The following VEPH1 variants were observed in gnomAD, a reference collection of about 807,000 sequenced individuals.
The protein encoded by VEPH1 is ventricular zone expressed PH domain containing 1, also known as ventricular zone-expressed PH domain-containing protein homolog 1.
A neutral mutation model predicts 85.2 loss-of-function variants in VEPH1; 80 were observed. That is an observed-to-expected ratio of 0.94 (90% confidence interval 0.78 to 1.13). The LOEUF is 1.13. Among genes scored for constraint, VEPH1 ranks in the 50% most tolerant of loss-of-function variants. The probability of loss-of-function intolerance (pLI) is 0.00; values close to 1 mark genes in which losing one functional copy is unlikely to be tolerated. For synonymous variants in VEPH1, 297 were observed against 348.0 expected (o/e 0.85, Z 1.63); for missense variants, 955 against 980.5 (o/e 0.97, Z 0.35).
At chr3:157,465,512 G>A (rs1031169827) in intron 3 of VEPH1, among the ~76,000 whole-genome samples, 1 of 152,158 alleles carries the variant, frequency 6.6e-6, no homozygotes, top group Non-Finnish European at 1.5e-5. Context: ...AGACAATTAA[G>A]GCCTGGAAAG....
chr3:157,312,998 G>A (rs1720289974), intron 11 of VEPH1, among the ~76,000 whole-genome samples: 2 of 140,578 alleles, frequency 1.4e-5, no homozygotes, highest in African/African-American at 5.5e-5. Flanking sequence ...TCCGCCTCCC[G>A]GGTTCACGCC....
intron 3 of VEPH1, among the ~76,000 whole-genome samples, chr3:157,467,445 A>G (rs1472232017): frequency 6.6e-6 from 1 of 152,194 alleles, no homozygotes; most frequent in Non-Finnish European, 1.5e-5. Flanking sequence ...TTGGATTTCT[A>G]CACGTTCCCC....
chr3:157,451,077 C>A (rs1447953788), intron 4 of VEPH1, among the ~76,000 whole-genome samples: 2 of 152,124 alleles, frequency 1.3e-5, no homozygotes, highest in African/African-American at 4.8e-5. Flanking sequence ...GTATTGATAT[C>A]CTGGCTATAC....
chr3:157,359,160 T>C (rs1253794733), intron 9 of VEPH1, among the ~76,000 whole-genome samples: 4 of 152,240 alleles, frequency 2.6e-5, no homozygotes, highest in Non-Finnish European at 4.4e-5. Flanking sequence ...CAAAGTAACA[T>C]TGATAGGTTC....
At chr3:157,457,984 T>A (rs1004701772) in intron 4 of VEPH1, among the ~76,000 whole-genome samples, 5 of 152,176 alleles carry the variant, frequency 3.3e-5, no homozygotes, top group Non-Finnish European at 7.4e-5. Flanking sequence ...GCTGTGAATC[T>A]GTCTGGTCCC....
rs542044041 is a variant in VEPH1 at position 157,443,247 on chromosome 3, A to G, written c.530-14759T>C. 1.0e-3 allele frequency: 368 copies of G among 362,286 alleles called. 2 individuals are homozygous for G. Among genetic ancestry groups the G allele is most frequent in the Non-Finnish European group, 1.1e-4 (23 of 201,444 alleles). 22.4% of individuals were successfully genotyped at this position (362,286 alleles called of 1,614,324 possible). A position where few individuals can be genotyped will look rare whatever the true frequency, so the allele number is the denominator to read the frequency against. On this transcript the variant is annotated intron_variant, in intron 4 of 13. Transcript: ENST00000362010. ...GTGTCTCTGTCAGATAAACTCTCAA[A>G]TAATTAAAAAGGACTGTATTGTTGA...
chr3:157,336,541 T>A (rs1050640823), intron 9 of VEPH1, among the ~76,000 whole-genome samples: 2 of 152,256 alleles, frequency 1.3e-5, no homozygotes, highest in African/African-American at 4.8e-5. Context: ...TTCATCTCTG[T>A]CTGCTGTCTT....
intron 9 of VEPH1, among the ~76,000 whole-genome samples, chr3:157,333,685 C>T (rs1363954352): frequency 6.6e-6 from 1 of 152,146 alleles, no homozygotes; most frequent in African/African-American, 2.4e-5. Flanking sequence ...AAAAGTTGTA[C>T]AGAGGCAAAT....
chr3:157,372,014 G>A (rs1727548848), intron 7 of VEPH1, among the ~76,000 whole-genome samples: 1 of 152,118 alleles, frequency 6.6e-6, no homozygotes, highest in East Asian at 1.9e-4. Context: ...CGTAGAGTAG[G>A]AATATCATCA....
chr3:157,375,397 T>C (rs1305829623), intron 7 of VEPH1, among the ~76,000 whole-genome samples: 1 of 152,222 alleles, frequency 6.6e-6, no homozygotes, highest in African/African-American at 2.4e-5. Flanking sequence ...TAGGTTCTGA[T>C]GTGACTCCCA....
At chr3:157,378,305 GGTATATATATATATATATAT>G (rs1315254464) in intron 7 of VEPH1, among the ~76,000 whole-genome samples, 4 of 77,208 alleles carry the variant, frequency 5.2e-5, no homozygotes, top group Non-Finnish European at 4.9e-5. Flanking sequence ...ATTTTTGAAT[GGTATATATATATATATATAT>G]ATATATATAT....
chr3:157,470,861 C>G (rs1736885126), intron 2 of VEPH1, among the ~76,000 whole-genome samples: 1 of 152,168 alleles, frequency 6.6e-6, no homozygotes. Flanking sequence ...GCAGGGGTTA[C>G]TTTTTACTCT....
chr3:157,270,597 A>G (rs1340350470), intron 12 of VEPH1, among the ~76,000 whole-genome samples: 1 of 152,214 alleles, frequency 6.6e-6, no homozygotes, highest in East Asian at 1.9e-4. Flanking sequence ...GTTGATGAGT[A>G]AGTATAATAA....
chr3:157,494,089 C>T (rs932653095), intron 2 of VEPH1, among the ~76,000 whole-genome samples: 2 of 152,058 alleles, frequency 1.3e-5, no homozygotes, highest in African/African-American at 4.8e-5. Context: ...AAAGACATTA[C>T]CTGAGAAAAG....
chr3:157,406,737 C>T (rs1731167420), intron 6 of VEPH1, among the ~76,000 whole-genome samples: 1 of 133,948 alleles, frequency 7.5e-6, no homozygotes, highest in African/African-American at 3.0e-5. Context: ...TAGCATCCTT[C>T]CACGTGCTAT....
At position 157,363,550 on chromosome 3, in the gene VEPH1, C is replaced by G; in HGVS notation, c.1549G>C (p.Asp517His). ...ACAGTTTCTGACAAATTCTCTGAGT[C>G]TATATGTATAATATTTGGGTATGAA... ...SVSYPNIIHI[D>H]SENLSETVKE... The change falls in exon 9 of 14, where the codon GAC becomes CAC. Residue 517 changes from aspartate (D) to histidine (H), a missense_variant. Physicochemically the swap from Asp to His is moderately conservative, Grantham distance 81. Coordinates refer to ENST00000362010, the MANE Select transcript of VEPH1 (RefSeq NM_001167912.2). 1 of 1,614,056 alleles carries G rather than the reference C, an allele frequency of 6.2e-7. No homozygotes were observed. Among genetic ancestry groups the G allele is most frequent in the South Asian group, 1.1e-5 (1 of 91,076 alleles).
At chr3:157,479,068 A>T (rs1737766174) in intron 2 of VEPH1, among the ~76,000 whole-genome samples, 1 of 152,222 alleles carries the variant, frequency 6.6e-6, no homozygotes, top group Non-Finnish European at 1.5e-5. Context: ...GTATAATTGA[A>T]TCATTTAAAG....
intron 1 of VEPH1, among the ~76,000 whole-genome samples, chr3:157,498,525 A>G (rs1418416544): frequency 6.6e-6 from 1 of 152,186 alleles, no homozygotes; most frequent in East Asian, 1.9e-4. Flanking sequence ...CCACCAGCAG[A>G]GGCACTTGAA....
intron 3 of VEPH1, among the ~76,000 whole-genome samples, chr3:157,467,514 A>C (rs1157077156): frequency 4.6e-5 from 7 of 152,234 alleles, no homozygotes; most frequent in Admixed American, 4.6e-4. Flanking sequence ...ACTGCAAGCC[A>C]AAAATTTCCC....
Sources: allele counts gnomAD v4.1 joint callset (sites outside exome capture counted in the v4.1 genomes callset), GRCh38; gene constraint gnomAD v4.1.1; transcripts MANE v1.5; gene names NCBI Gene and HGNC (gene_info 2026-07-23, HGNC 2026-07-21).